Variants in SLC2A14 observed in about 807,000 individuals in gnomAD.
SLC2A14 encodes solute carrier family 2 member 14.
In SLC2A14, 13 loss-of-function variants were observed where a neutral mutation model predicts 43.0. The ratio of observed to expected loss-of-function variants is 0.30; its 90% confidence interval spans 0.20 to 0.48. The LOEUF (loss-of-function observed/expected upper bound fraction) is 0.48, where lower values mean the gene tolerates loss of function less well. SLC2A14 is among the 20% of genes least tolerant of loss of function. SLC2A14 has a pLI of 0.99. For synonymous variants in SLC2A14, 190 were observed against 233.8 expected, an observed-to-expected ratio of 0.81 and a Z score of 1.71; for missense variants, 428 against 620.4, an observed-to-expected ratio of 0.69 and a Z score of 3.29.
chr12:7,817,775 G>GATAGATAGATAC, intron 10 of SLC2A14, 56 bp downstream of exon 10: 7 of 1,583,630 alleles, frequency 4.4e-6, no homozygotes, highest in Non-Finnish European at 4.3e-6. Context: ...TAGATAGATA[G>GATAGATAGATAC]ATAGACAGAT....
At chr12:7,869,125 CAA>C (rs1945091102) in intron 2 of SLC2A14, among the ~76,000 whole-genome samples, 1 of 146,320 alleles carries the variant, frequency 6.8e-6, no homozygotes, top group Admixed American at 6.8e-5. Context: ...GCCTGGGCAA[CAA>C]GAGTGAAACT....
In SLC2A14 at chr12:7,881,944, T is replaced by C. The variant is rs1045782388; in HGVS notation, c.132+9052A>G. On this transcript the variant is annotated intron_variant, in intron 1 of 9. Transcript: ENST00000539924. ...ATAACTTTTGTGTCTAGCTCAGGGA[T>C]TGTAAACGCACCAATCAGCGCCCTG... Among the ~76,000 whole-genome samples the C allele has an allele frequency of 6.0e-4, 91 of 152,154 alleles. 1 individual carries two copies. Among genetic ancestry groups the C allele is most frequent in the African/African-American group, 2.0e-3 (83 of 41,534 alleles).
chr12:7,869,446 A>G (rs1160781901), intron 2 of SLC2A14, among the ~76,000 whole-genome samples: 2 of 152,160 alleles, frequency 1.3e-5, no homozygotes, highest in African/African-American at 4.8e-5. Flanking sequence ...GTTACACTCT[A>G]TAGTCTGCTC....
At position 7,867,292 on chromosome 12, in the gene SLC2A14, AAAAAAAAAC is replaced by A. The variant is rs1459514428; in HGVS notation, c.18+2562_18+2570del. ...GGAGACTCCGTCTCAAAAAAAAAAA[AAAAAAAAAC>A]AAAAAAAACATTCGTGATTCATGGG... is the stretch of plus-strand genomic sequence containing the variant. On this transcript the variant is annotated intron_variant, in intron 2 of 10. Coordinates refer to ENST00000431042, the MANE Select transcript of SLC2A14 (RefSeq NM_001286234.2). Among the ~76,000 whole-genome samples, 22 of 124,564 alleles carry A rather than the reference AAAAAAAAAC, an allele frequency of 1.8e-4. No individual in the cohort carries two copies. The South Asian group carries it at 5.5e-3, about 31-fold the overall frequency. 81.7% of individuals were successfully genotyped at this position (124,564 alleles called of 152,430 possible).
In SLC2A14 at chr12:7,821,825, C is replaced by CTTT. The variant is rs71038774; in HGVS notation, c.865-503_865-501dup. On this transcript the variant is annotated intron_variant, in intron 7 of 10. Coordinates refer to ENST00000431042, the MANE Select transcript of SLC2A14 (RefSeq NM_001286234.2). ...GCCCAGCTAATTTTTGTATTTCTTTCTTTTTTTTTTTTTTTTTGAGATGGA... is the reference window on the plus strand; with the variant it reads ...GCCCAGCTAATTTTTGTATTTCTTTCTTTTTTTTTTTTTTTTTTTTGAGATGGA... 4.8e-3 allele frequency among the ~76,000 whole-genome samples: 606 copies of CTTT among 127,184 alleles called. 11 individuals are homozygous for CTTT. Among genetic ancestry groups the CTTT allele is most frequent in the African/African-American group, 5.0e-3 (166 of 33,226 alleles). The allele number at this position is 127,184 out of a possible 152,430, so 83.4% of individuals were successfully genotyped here.
At chr12:7,814,576 T>C (rs1863270806) in intron 10 of SLC2A14, 42 bp from the exon 11 acceptor site, 1 of 1,583,060 alleles carries the variant, frequency 6.3e-7, no homozygotes, top group Non-Finnish European at 8.6e-7. Context: ...TATAAAAATC[T>C]GGTCATTGAC....
At chr12:7,820,849 G>A (rs1863853618) in intron 8 of SLC2A14, among the ~76,000 whole-genome samples, 1 of 152,164 alleles carries the variant, frequency 6.6e-6, no homozygotes, top group Admixed American at 6.6e-5. Flanking sequence ...TACTTTGGGA[G>A]GCCTAGGCAG....
At chr12:7,884,133 C>T (rs4269991) in intron 1 of SLC2A14, among the ~76,000 whole-genome samples, 68,658 of 151,192 alleles carry the variant, frequency 0.45, 15,566 homozygotes, top group Admixed American at 0.54. Flanking sequence ...CCATGTTAGC[C>T]AGGATGGTCT....
In SLC2A14 at chr12:7,829,096, C is replaced by T. The variant is rs146831287; in HGVS notation, c.514-230G>A. On this transcript the variant is annotated intron_variant, in intron 5 of 10. Transcript: ENST00000431042. The stretch of plus-strand genomic sequence containing the variant: ...GGCGTGATGGTGGGCACCTGCAATC[C>T]CAGCTACTCAGGAGGCTGAGGCAGA... Among the ~76,000 whole-genome samples the T allele has an allele frequency of 2.4e-3, 361 of 152,052 alleles. 1 individual carries two copies. The highest frequency in any genetic ancestry group is 8.3e-3 in the African/African-American group (345 of 41,426).
chr12:7,821,198 A>C, intron 8 of SLC2A14, 23 bp downstream of exon 8: 2 of 1,591,428 alleles, frequency 1.3e-6, no homozygotes, highest in Non-Finnish European at 1.7e-6. Context: ...CTCCCCCCAA[A>C]ATTATCAAAC....
chr12:7,820,921 T>C (rs763048610), intron 8 of SLC2A14, among the ~76,000 whole-genome samples: 16 of 152,016 alleles, frequency 1.1e-4, no homozygotes, highest in African/African-American at 3.9e-4. Flanking sequence ...ACCCCGTCTC[T>C]ACTAAAAATA....
At chr12:7,842,288 G>A (rs1359686454) in intron 2 of SLC2A14, among the ~76,000 whole-genome samples, 8 of 152,058 alleles carry the variant, frequency 5.3e-5, no homozygotes, top group Admixed American at 5.2e-4. Context: ...CCTACTGAAG[G>A]ACATCTTGGT....
At chr12:7,824,317 T>G (rs778642504) in intron 7 of SLC2A14, among the ~76,000 whole-genome samples, 45 of 152,242 alleles carry the variant, frequency 3.0e-4, no homozygotes, top group African/African-American at 9.9e-4. Context: ...TGGGGAAAGA[T>G]ATTAGGTTGG....
chr12:7,837,685 CTTT>C (rs57484495), intron 2 of SLC2A14, among the ~76,000 whole-genome samples: 3 of 112,530 alleles, frequency 2.7e-5, no homozygotes, highest in Non-Finnish European at 1.8e-5. Flanking sequence ...CATTTTTCTT[CTTT>C]TTTTTTTTTT....
chr12:7,830,399 C>G (rs1864921067), intron 4 of SLC2A14, among the ~76,000 whole-genome samples: 1 of 152,308 alleles, frequency 6.6e-6, no homozygotes, highest in Non-Finnish European at 1.5e-5. Flanking sequence ...GATCCACCCA[C>G]CTCGGCCTCC....
chr12:7,874,907 ATACATATATAAATATATAT>A (rs1565585023), upstream of SLC2A14, among the ~76,000 whole-genome samples: 5 of 108,440 alleles, frequency 4.6e-5, no homozygotes, highest in Non-Finnish European at 8.3e-5. Context: ...TTATATATAA[ATACATATATAAATATATAT>A]TTATATATAA....
At chr12:7,818,905 T>C (rs1329283597) in intron 9 of SLC2A14, among the ~76,000 whole-genome samples, 3 of 151,816 alleles carry the variant, frequency 2.0e-5, no homozygotes, top group African/African-American at 7.3e-5. Flanking sequence ...TAAAGTGTGA[T>C]TACCTTGATA....
upstream of SLC2A14, among the ~76,000 whole-genome samples, chr12:7,875,607 G>C (rs1280509270): frequency 6.6e-6 from 1 of 152,060 alleles, no homozygotes; most frequent in Non-Finnish European, 1.5e-5. Context: ...GATGGTATTA[G>C]GGTATAGAGC....
At chr12:7,831,021 G>A (rs1443945989) in intron 4 of SLC2A14, among the ~76,000 whole-genome samples, 2 of 151,622 alleles carry the variant, frequency 1.3e-5, no homozygotes, top group African/African-American at 4.8e-5. Flanking sequence ...CTACTTGGGA[G>A]GCTGAGGCAG....
Sources: gnomAD v4.1 joint callset for allele counts (sites outside exome capture counted in the v4.1 genomes callset) on GRCh38, gnomAD v4.1.1 for gene constraint, MANE v1.5 for transcripts, NCBI Gene and HGNC (gene_info 2026-07-23, HGNC 2026-07-21) for gene names.